Variants in CLMN observed in about 807,000 individuals in gnomAD.
CLMN encodes calmin (calponin-like, transmembrane).
A neutral mutation model predicts 92.7 loss-of-function variants in CLMN; 57 were observed. That is an observed-to-expected ratio of 0.61 (90% CI 0.50 to 0.77). The LOEUF is 0.77. Ranked by LOEUF, CLMN falls within the 30% of genes least tolerant of loss-of-function variation. The pLI is 0.00. For missense variants in CLMN, 1,158 were observed against 1,237.5 expected (o/e 0.94, Z 0.96); for synonymous variants, 466 against 470.6 (o/e 0.99, Z 0.13).
At chr14:95,239,871 A>T (rs1284904272) in intron 1 of CLMN, among the ~76,000 whole-genome samples, 1 of 152,246 alleles carries the variant, frequency 6.6e-6, no homozygotes, top group Non-Finnish European at 1.5e-5. Context: ...GATGGACCAC[A>T]TACACAATGG....
At chr14:95,209,013 C>G (rs1396731335) in intron 8 of CLMN, among the ~76,000 whole-genome samples, 1 of 152,180 alleles carries the variant, frequency 6.6e-6, no homozygotes, top group East Asian at 1.9e-4. Context: ...CCCCAAACTG[C>G]AAAAGTAATG....
intron 1 of CLMN, among the ~76,000 whole-genome samples, chr14:95,262,792 C>T (rs1458307769): frequency 6.6e-6 from 1 of 152,170 alleles, no homozygotes; most frequent in African/African-American, 2.4e-5. Flanking sequence ...GTCTCAAACT[C>T]CTGGATTCAA....
At chr14:95,215,584 G>T in intron 5 of CLMN, 57 bp downstream of exon 5, 1 of 1,470,774 alleles carries the variant, frequency 6.8e-7, no homozygotes, top group Non-Finnish European at 9.5e-7. Flanking sequence ...TCTCTTCTGT[G>T]GCTGCTCAGC....
intron 5 of CLMN, among the ~76,000 whole-genome samples, chr14:95,215,327 C>T (rs993229495): frequency 1.8e-4 from 27 of 152,180 alleles, no homozygotes; most frequent in African/African-American, 6.5e-4. Flanking sequence ...TACCAAGTTC[C>T]AGTTTTGGTC....
intron 1 of CLMN, among the ~76,000 whole-genome samples, chr14:95,252,342 G>A (rs969030238): frequency 5.3e-4 from 80 of 152,134 alleles, no homozygotes; most frequent in African/African-American, 1.8e-3. Flanking sequence ...CAGCATTGCA[G>A]GGTTGCCTTG....
At chr14:95,306,412 C>T (rs920831366) in intron 1 of CLMN, among the ~76,000 whole-genome samples, 6 of 152,060 alleles carry the variant, frequency 3.9e-5, no homozygotes, top group East Asian at 1.9e-4. Context: ...ACTCGGGAAG[C>T]GGCGGCTGAG....
intron 9 of CLMN, among the ~76,000 whole-genome samples, chr14:95,198,136 A>G (rs1161923355): frequency 1.6e-5 from 2 of 128,242 alleles, no homozygotes; most frequent in Non-Finnish European, 3.1e-5. Context: ...TGCAACCTCT[A>G]CCTCCCAGGT....
chr14:95,249,366 C>A (rs1439418521), intron 1 of CLMN, among the ~76,000 whole-genome samples: 2 of 152,216 alleles, frequency 1.3e-5, no homozygotes, highest in Admixed American at 6.5e-5. Context: ...GAAACTGGCA[C>A]AGTCCTGCCC....
intron 1 of CLMN, among the ~76,000 whole-genome samples, chr14:95,261,276 C>G (rs1899244341): frequency 6.6e-6 from 1 of 151,866 alleles, no homozygotes; most frequent in African/African-American, 2.4e-5. Context: ...AAGGCCGAGG[C>G]CCATTGCCTC....
chr14:95,253,890 A>G (rs1898892655), intron 1 of CLMN, among the ~76,000 whole-genome samples: 1 of 152,140 alleles, frequency 6.6e-6, no homozygotes, highest in Non-Finnish European at 1.5e-5. Context: ...CTGGGATTAC[A>G]GGCGTGAGCC....
chr14:95,183,031 T>C lies in CLMN; in HGVS notation c.*8533A>G, dbSNP rs551430035. On this transcript the variant is annotated 3_prime_UTR_variant, in exon 13 of 13. Transcript: ENST00000298912. ...CAGAGGTACACTTGCTTTAAGCAAA[T>C]AGGCCACTTATTGAGATAAATAAAA... 2.0e-5 allele frequency: 3 copies of C among 152,326 alleles called. No homozygotes were observed. The highest frequency in any genetic ancestry group is 7.2e-5 in the African/African-American group (3 of 41,578). 9.4% of individuals were successfully genotyped at this position (152,326 alleles called of 1,614,324 possible).
At chr14:95,201,878 C>T (rs1288256769) in intron 9 of CLMN, among the ~76,000 whole-genome samples, 1 of 152,156 alleles carries the variant, frequency 6.6e-6, no homozygotes, top group Non-Finnish European at 1.5e-5. Context: ...TGGCTTCCAG[C>T]TTCATCCATG....
chr14:95,305,016 A>G (rs1901217618), intron 1 of CLMN, among the ~76,000 whole-genome samples: 1 of 152,224 alleles, frequency 6.6e-6, no homozygotes, highest in Non-Finnish European at 1.5e-5. Context: ...AAGAGGGGAA[A>G]GCAACCAAGG....
At chr14:95,262,739 G>T (rs1239929515) in intron 1 of CLMN, among the ~76,000 whole-genome samples, 3 of 152,026 alleles carry the variant, frequency 2.0e-5, no homozygotes, top group Admixed American at 6.6e-5. Context: ...GCTAATTTTT[G>T]TATTTTTTCT....
chr14:95,213,403 C>A lies in CLMN; in HGVS notation c.424G>T (p.Glu142Ter). The A allele has an allele frequency of 6.3e-7, 1 of 1,599,562 alleles. No individual in the cohort carries two copies. The highest frequency in any genetic ancestry group is 1.1e-5 in the South Asian group (1 of 89,310). ...WNIILFFQIK[E>*]LTGNLSRNSP... ...TTTCTGCTGAGGTTGCCTGTGAGCT[C>A]CTTAATCTGGAAGGAAAATGGCATT... The change falls in exon 6 of 13, where the codon GAG becomes TAG. Residue 142 changes from glutamate (E) to a stop codon, truncating the protein, a stop_gained. Transcript: ENST00000298912. LOFTEE classifies it high-confidence loss of function.
intron 5 of CLMN, among the ~76,000 whole-genome samples, chr14:95,214,344 CTTT>C (rs140176893): frequency 0.026 from 2,866 of 109,024 alleles, 31 homozygotes; most frequent in African/African-American, 0.048. Flanking sequence ...GCTGCTGCTG[CTTT>C]TTTTTTTTTT....
intron 9 of CLMN, among the ~76,000 whole-genome samples, chr14:95,201,635 G>A (rs915262984): frequency 4.1e-5 from 6 of 146,396 alleles, no homozygotes; most frequent in Admixed American, 3.5e-4. Context: ...TTGTTACATA[G>A]AAATACAAGT....
chr14:95,260,901 T>A (rs1899224745), intron 1 of CLMN, among the ~76,000 whole-genome samples: 1 of 152,144 alleles, frequency 6.6e-6, no homozygotes, highest in African/African-American at 2.4e-5. Flanking sequence ...TTTGTGGAAA[T>A]ACAGTATTAG....
chr14:95,230,101 T>C lies in CLMN; in HGVS notation c.115A>G (p.Thr39Ala). Residue 39 changes from threonine to alanine, a missense_variant, in exon 2 of 13, where the codon ACA becomes GCA. Transcript: ENST00000298912. ...ERENVQKRTFTRWINLHLEKC... is the reference protein window; with the variant it reads ...ERENVQKRTFARWINLHLEKC... ...TCTAGATGTAGATTTATCCATCGTGTAAAGGTCCTCTTCTGCACATTTTCC... is the reference window on the plus strand; with the variant it reads ...TCTAGATGTAGATTTATCCATCGTGCAAAGGTCCTCTTCTGCACATTTTCC... 1 of 1,614,240 alleles carries C rather than the reference T, an allele frequency of 6.2e-7. No homozygotes were observed. The highest frequency in any genetic ancestry group is 8.5e-7 in the Non-Finnish European group (1 of 1,180,038).
Sources: allele counts gnomAD v4.1 joint callset (sites outside exome capture counted in the v4.1 genomes callset), GRCh38; gene constraint gnomAD v4.1.1; transcripts MANE v1.5; gene names NCBI Gene and HGNC (gene_info 2026-07-23, HGNC 2026-07-21).